RNF150: variants seen among roughly 807,000 people sequenced by gnomAD.
The protein encoded by RNF150 is ring finger protein 150.
In RNF150, 24 loss-of-function variants were observed where a neutral mutation model predicts 39.3. That is an observed-to-expected ratio of 0.61 (90% CI 0.44 to 0.86). The LOEUF is 0.86. RNF150 is among the 40% of genes least tolerant of loss of function. RNF150 has a pLI of 0.00. For missense variants in RNF150, 502 were observed against 587.8 expected, an observed-to-expected ratio of 0.85 and a Z score of 1.51; for synonymous variants, 255 against 227.3, an observed-to-expected ratio of 1.12 and a Z score of -1.10.
chr4:140,922,670 T>A (rs1169472961), intron 5 of RNF150, among the ~76,000 whole-genome samples: 2 of 152,038 alleles, frequency 1.3e-5, no homozygotes, highest in Admixed American at 6.5e-5. Flanking sequence ...AAGTCAATCC[T>A]AAGGCAAAAG....
At chr4:141,113,904 TTC>T (rs1739468176) in intron 1 of RNF150, among the ~76,000 whole-genome samples, 1 of 152,148 alleles carries the variant, frequency 6.6e-6, no homozygotes, top group Non-Finnish European at 1.5e-5. Context: ...CTGAACAACC[TTC>T]TCCTGAATGA....
intron 1 of RNF150, among the ~76,000 whole-genome samples, chr4:141,011,139 A>T (rs1735061371): frequency 6.6e-6 from 1 of 152,120 alleles, no homozygotes; most frequent in South Asian, 2.1e-4. Context: ...TATTGGCTAT[A>T]ATACTGATAT....
chr4:141,100,229 T>C (rs772801246), intron 1 of RNF150, among the ~76,000 whole-genome samples: 2 of 152,218 alleles, frequency 1.3e-5, no homozygotes, highest in Non-Finnish European at 2.9e-5. Context: ...CTAGTCCTTA[T>C]ATATTTAATC....
At chr4:140,891,790 G>A (rs1233436813) in intron 6 of RNF150, among the ~76,000 whole-genome samples, 1 of 152,160 alleles carries the variant, frequency 6.6e-6, no homozygotes, top group Non-Finnish European at 1.5e-5. Context: ...TGGGTGGAGG[G>A]TGAGTGAGCA....
intron 1 of RNF150, among the ~76,000 whole-genome samples, chr4:141,096,142 G>A (rs1255033014): frequency 6.7e-6 from 1 of 149,924 alleles, no homozygotes; most frequent in Non-Finnish European, 1.5e-5. Flanking sequence ...ACACAGGAGT[G>A]GTGTGCATTC....
intron 1 of RNF150, among the ~76,000 whole-genome samples, chr4:141,118,669 G>A (rs1404401609): frequency 6.6e-6 from 1 of 152,120 alleles, no homozygotes; most frequent in Non-Finnish European, 1.5e-5. Context: ...CCATTCCTTT[G>A]CAAAGTGATG....
At position 140,866,705 on chromosome 4, in the gene RNF150, C is replaced by G. The variant is rs953666317; in HGVS notation, c.*1556G>C. 6.6e-6 allele frequency: 1 copy of G among 152,296 alleles called. No individual in the cohort carries two copies. The allele number at this position is 152,296 out of a possible 1,614,324, so 9.4% of individuals were successfully genotyped here. On this transcript the variant is annotated 3_prime_UTR_variant, in exon 7 of 7. Transcript: ENST00000515673. ...TGAGGTGGAAAAGTCCCCATCAATACATAAAAACAACTCAGTGAGAAAAGC... is the reference window on the plus strand; with the variant it reads ...TGAGGTGGAAAAGTCCCCATCAATAGATAAAAACAACTCAGTGAGAAAAGC...
chr4:141,130,860 T>C (rs1726876347), intron 1 of RNF150, among the ~76,000 whole-genome samples: 1 of 152,228 alleles, frequency 6.6e-6, no homozygotes, highest in Non-Finnish European at 1.5e-5. Context: ...AGACTCAAGG[T>C]GAGAGCACAA....
At chr4:140,962,096 A>C (rs1284004815) in intron 2 of RNF150, among the ~76,000 whole-genome samples, 1 of 150,358 alleles carries the variant, frequency 6.7e-6, no homozygotes, top group East Asian at 2.0e-4. Context: ...CTCTCTCTCT[A>C]CACACACGCG....
At chr4:141,153,403 A>G (rs1256250743) in intron 1 of RNF150, among the ~76,000 whole-genome samples, 2 of 152,290 alleles carry the variant, frequency 1.3e-5, no homozygotes, top group African/African-American at 2.4e-5. Context: ...CAGATGGGTA[A>G]GAGGAAGACC....
At chr4:140,884,316 A>G (rs1195318187) in intron 6 of RNF150, among the ~76,000 whole-genome samples, 1 of 151,992 alleles carries the variant, frequency 6.6e-6, no homozygotes, top group Non-Finnish European at 1.5e-5. Flanking sequence ...TGGATATTTA[A>G]TTTGTTCGTT....
At position 140,967,616 on chromosome 4, in the gene RNF150, T is replaced by G. The variant is rs111279918; in HGVS notation, c.735+7A>C. On this transcript the variant is annotated splice_region_variant and intron_variant, in intron 2 of 6. Coordinates refer to ENST00000515673, the MANE Select transcript of RNF150 (RefSeq NM_020724.2). ...TTTTAAAAGTTTTTTAACTTTTTGC[T>G]ACTCACCTGGTTCCTATCCCTGGCA... The G allele has an allele frequency of 6.3e-7, 1 of 1,585,898 alleles. No homozygotes were observed. The highest frequency in any genetic ancestry group is 8.6e-7 in the Non-Finnish European group (1 of 1,162,524).
intron 1 of RNF150, among the ~76,000 whole-genome samples, chr4:141,196,317 T>C (rs1728200733): frequency 6.6e-6 from 1 of 152,172 alleles, no homozygotes; most frequent in African/African-American, 2.4e-5. Flanking sequence ...CCTGTCTTTC[T>C]ATAGCAAAGG....
At chr4:141,090,885 A>G (rs1738555768) in intron 1 of RNF150, among the ~76,000 whole-genome samples, 1 of 152,168 alleles carries the variant, frequency 6.6e-6, no homozygotes, top group Admixed American at 6.5e-5. Context: ...TTGGTTATTA[A>G]TTTGAAAATT....
intron 1 of RNF150, among the ~76,000 whole-genome samples, chr4:141,000,094 AGAAGAAGAAGAAGAGGAG>A: frequency 3.7e-5 from 5 of 134,898 alleles, no homozygotes; most frequent in Admixed American, 7.8e-5. Flanking sequence ...AAGGAGAAGA[AGAAGAAGAAGAAGAGGAG>A]GAAGAAGAAG....
intron 1 of RNF150, among the ~76,000 whole-genome samples, chr4:141,069,987 T>C (rs1026091841): frequency 6.6e-6 from 1 of 152,162 alleles, no homozygotes; most frequent in Non-Finnish European, 1.5e-5. Context: ...CTATCAATTT[T>C]GTTGATCCTT....
chr4:141,079,367 T>G (rs999034221), intron 1 of RNF150, among the ~76,000 whole-genome samples: 2 of 152,216 alleles, frequency 1.3e-5, no homozygotes, highest in Non-Finnish European at 2.9e-5. Context: ...TTTTTTTCCT[T>G]TTTTATTTTT....
intron 5 of RNF150, among the ~76,000 whole-genome samples, chr4:140,922,921 A>G (rs1731219951): frequency 6.6e-6 from 1 of 150,988 alleles, no homozygotes; most frequent in South Asian, 2.1e-4. Context: ...AGACATATGT[A>G]GAAAGCTGAA....
chr4:141,157,913 G>A (rs1727440016), intron 1 of RNF150, among the ~76,000 whole-genome samples: 1 of 152,204 alleles, frequency 6.6e-6, no homozygotes, highest in Admixed American at 6.5e-5. Flanking sequence ...TCATATCTCA[G>A]TCTTTTCACC....
Sources: allele counts gnomAD v4.1 joint callset (sites outside exome capture counted in the v4.1 genomes callset), GRCh38; gene constraint gnomAD v4.1.1; transcripts MANE v1.5; gene names NCBI Gene and HGNC (gene_info 2026-07-23, HGNC 2026-07-21).